Variants in CACNA2D4 observed in about 807,000 individuals in gnomAD.
CACNA2D4 encodes the protein calcium voltage-gated channel auxiliary subunit alpha2delta 4.
A neutral mutation model predicts 163.8 loss-of-function variants in CACNA2D4; 157 were observed. That is an observed-to-expected ratio of 0.96 (90% CI 0.84 to 1.09). CACNA2D4 has a LOEUF of 1.09. CACNA2D4 is among the 50% of genes least tolerant of loss of function. CACNA2D4 has a pLI of 0.00. For synonymous variants in CACNA2D4, 598 were observed against 586.9 expected, an observed-to-expected ratio of 1.02 and a Z score of -0.27; for missense variants, 1,410 against 1,479.9, an observed-to-expected ratio of 0.95 and a Z score of 0.78.
chr12:1,820,757 C>G lies in CACNA2D4; in HGVS notation c.2552-9034G>C, dbSNP rs955581128. 1 of 152,330 alleles carries G rather than the reference C, an allele frequency of 6.6e-6. No individual in the cohort carries two copies. Among genetic ancestry groups the G allele is most frequent in the Non-Finnish European group, 1.5e-5 (1 of 68,104 alleles). The allele number at this position is 152,330 out of a possible 1,614,324, so 9.4% of individuals were successfully genotyped here. A position where few individuals can be genotyped will look rare whatever the true frequency, so the allele number is the denominator to read the frequency against. The stretch of plus-strand genomic sequence containing the variant: ...ATTTCTATAGGAATCCCAGGAGGGT[C>G]TTACTGGAGGGTTGAGAGCCACCTG... On this transcript the variant is annotated intron_variant, in intron 26 of 37. Coordinates refer to ENST00000382722, the MANE Select transcript of CACNA2D4 (RefSeq NM_172364.5). This position sits in a 1 kb window ranked among gnomAD's most constrained non-coding sequence, Gnocchi z 6.0.
At chr12:1,894,359 G>A (rs1286116157) in intron 6 of CACNA2D4, among the ~76,000 whole-genome samples, 1 of 152,128 alleles carries the variant, frequency 6.6e-6, no homozygotes, top group Non-Finnish European at 1.5e-5. Flanking sequence ...TATTGGAGAG[G>A]ATGGAATTTT....
chr12:1,811,239 A>G (rs1051544918), intron 27 of CACNA2D4, among the ~76,000 whole-genome samples: 3 of 152,094 alleles, frequency 2.0e-5, no homozygotes, highest in Non-Finnish European at 4.4e-5. Flanking sequence ...GGCTCTGGGG[A>G]AGCAGAGGGG....
At chr12:1,866,948 G>A (rs760948384) in intron 18 of CACNA2D4, among the ~76,000 whole-genome samples, 2 of 152,008 alleles carry the variant, frequency 1.3e-5, no homozygotes, top group African/African-American at 2.4e-5. Flanking sequence ...TGTCCTTACC[G>A]AAGACATTAT....
intron 26 of CACNA2D4, among the ~76,000 whole-genome samples, chr12:1,813,488 G>T (rs1301661774): frequency 2.6e-5 from 4 of 152,198 alleles, no homozygotes; most frequent in Admixed American, 6.5e-5. Flanking sequence ...TCGGAGTGTG[G>T]CTAGCACGCC....
chr12:1,835,023 G>A (rs983704132), intron 26 of CACNA2D4: 10 of 372,040 alleles, frequency 2.7e-5, no homozygotes, highest in South Asian at 2.6e-4. Flanking sequence ...GGAGGCTTCC[G>A]GACTGGGCAT....
At position 1,834,045 on chromosome 12, in the gene CACNA2D4, G is replaced by A. The variant is rs932359080; in HGVS notation, c.2551+6694C>T. On this transcript the variant is annotated intron_variant, in intron 26 of 37. Coordinates refer to ENST00000382722, the MANE Select transcript of CACNA2D4 (RefSeq NM_172364.5). This position sits in a 1 kb window ranked among gnomAD's most constrained non-coding sequence, Gnocchi z 7.6. ...AATATCCATTTCACATGGCTTCTGC[G>A]AGGATGAAATGGCACGATATACGTA... 2.6e-5 allele frequency among the ~76,000 whole-genome samples: 4 copies of A among 152,210 alleles called. No homozygotes were observed. Among genetic ancestry groups the A allele is most frequent in the Admixed American group, 6.5e-5 (1 of 15,284 alleles).
rs895511185 is a variant in CACNA2D4 at position 1,869,539 on chromosome 12, G to A, written c.1878+5065C>T. Among the ~76,000 whole-genome samples, 6 of 152,156 alleles carry A rather than the reference G, an allele frequency of 3.9e-5. No homozygotes were observed. Among genetic ancestry groups the A allele is most frequent in the South Asian group, 2.1e-4 (1 of 4,832 alleles). On this transcript the variant is annotated intron_variant, in intron 18 of 37. Coordinates refer to ENST00000382722, the MANE Select transcript of CACNA2D4 (RefSeq NM_172364.5). The surrounding 1 kb of genome is among the most constrained non-coding windows in gnomAD (Gnocchi z 4.7). ...GATGTGGGTTTCAGTTTGTTTTCAC[G>A]GATTCCTGTTTTTCCTCTTGAGTTC...
At position 1,820,592 on chromosome 12, in the gene CACNA2D4, AC is replaced by A. The variant is rs1243632447; in HGVS notation, c.2552-8870del. The A allele has an allele frequency of 6.6e-6, 1 of 151,878 alleles. No homozygotes were observed. Among genetic ancestry groups the A allele is most frequent in the Non-Finnish European group, 1.5e-5 (1 of 68,088 alleles). The allele number at this position is 151,878 out of a possible 1,614,324, so 9.4% of individuals were successfully genotyped here. A position where few individuals can be genotyped will look rare whatever the true frequency, so the allele number is the denominator to read the frequency against. On this transcript the variant is annotated intron_variant, in intron 26 of 37. Transcript: ENST00000382722. This position sits in a 1 kb window ranked among gnomAD's most constrained non-coding sequence, Gnocchi z 6.0. Reference sequence around the variant, plus strand: ...CCCTCTCTTTCCTTCTCAGTTTGTGACTGACCCAGCAGCCCCGTCCCCCGTC... The same window carrying A: ...CCCTCTCTTTCCTTCTCAGTTTGTGATGACCCAGCAGCCCCGTCCCCCGTC...
chr12:1,867,907 C>T (rs915587459), intron 18 of CACNA2D4, among the ~76,000 whole-genome samples: 1 of 152,168 alleles, frequency 6.6e-6, no homozygotes, highest in African/African-American at 2.4e-5. Context: ...CAAACCCAAA[C>T]CACAATGAGA....
intron 26 of CACNA2D4, among the ~76,000 whole-genome samples, chr12:1,837,006 G>A (rs1362961839): frequency 1.3e-5 from 2 of 152,244 alleles, no homozygotes; most frequent in Non-Finnish European, 2.9e-5. Context: ...ATCCAGGATG[G>A]TACATCCACC....
intron 18 of CACNA2D4, among the ~76,000 whole-genome samples, chr12:1,862,118 C>T (rs1384167548): frequency 1.2e-4 from 18 of 152,330 alleles, no homozygotes; most frequent in African/African-American, 4.3e-4. Context: ...TGCTTCTACG[C>T]TCATCGATTG....
At chr12:1,896,388 AAAAAC>A (rs772059699) in intron 6 of CACNA2D4, among the ~76,000 whole-genome samples, 1 of 152,224 alleles carries the variant, frequency 6.6e-6, no homozygotes, top group Non-Finnish European at 1.5e-5. Flanking sequence ...ACTCAACAGT[AAAAAC>A]AAAACAAAAC....
chr12:1,800,617 C>G (rs1393475220), intron 31 of CACNA2D4, 179 bp from the exon 32 acceptor site: 1 of 634,554 alleles, frequency 1.6e-6, no homozygotes, highest in Non-Finnish European at 2.8e-6. Context: ...TCCCACCTGC[C>G]CTGCAGAGCT....
At position 1,834,670 on chromosome 12, in the gene CACNA2D4, G is replaced by A. The variant is rs1296228468; in HGVS notation, c.2551+6069C>T. On this transcript the variant is annotated intron_variant, in intron 26 of 37. Transcript: ENST00000382722. The surrounding 1 kb of genome is among the most constrained non-coding windows in gnomAD (Gnocchi z 7.6). ...TCAAAAAGCGCCAGCCCCTGATGGG[G>A]GACCCCGAGGGCGAGCACGAGGACC... is the stretch of plus-strand genomic sequence containing the variant. 3 of 1,601,618 alleles carry A rather than the reference G, an allele frequency of 1.9e-6. No homozygotes were observed. Among genetic ancestry groups the A allele is most frequent in the Non-Finnish European group, 1.7e-6 (2 of 1,179,544 alleles).
At chr12:1,850,881 CAAA>C (rs3078857) in intron 23 of CACNA2D4, among the ~76,000 whole-genome samples, 21,906 of 130,814 alleles carry the variant, frequency 0.17, 1,980 homozygotes, top group East Asian at 0.38. Flanking sequence ...GACTCCGTCT[CAAA>C]AAAAAAAAAA....
intron 2 of CACNA2D4, 115 bp from the exon 3 acceptor site, chr12:1,913,254 G>T: frequency 1.4e-6 from 1 of 736,532 alleles, no homozygotes; most frequent in Non-Finnish European, 2.4e-6. Context: ...ATGGAGCCTG[G>T]TTTACTCAAC....
At chr12:1,794,755 CT>C (rs1863063341) in intron 37 of CACNA2D4, among the ~76,000 whole-genome samples, 1 of 152,224 alleles carries the variant, frequency 6.6e-6, no homozygotes, top group East Asian at 1.9e-4. Context: ...AACACAGTGG[CT>C]CGGGGATTTT....
At position 1,833,990 on chromosome 12, in the gene CACNA2D4, C is replaced by T. The variant is rs1413690982; in HGVS notation, c.2551+6749G>A. Among the ~76,000 whole-genome samples, 11 of 152,250 alleles carry T rather than the reference C, an allele frequency of 7.2e-5. No homozygotes were observed. In the East Asian group the frequency reaches 1.9e-3, roughly 27 times the overall value. ...AGGACAGGCCGGATGGAAGTGGCTG[C>T]GTGCTTCTCTATAAAATGGGAATAA... On this transcript the variant is annotated intron_variant, in intron 26 of 37. Transcript: ENST00000382722. The surrounding 1 kb of genome is among the most constrained non-coding windows in gnomAD (Gnocchi z 4.2).
At position 1,834,553 on chromosome 12, in the gene CACNA2D4, G is replaced by C; in HGVS notation, c.2551+6186C>G. 3.1e-6 allele frequency: 5 copies of C among 1,603,154 alleles called. No homozygotes were observed. The highest frequency in any genetic ancestry group is 4.2e-6 in the Non-Finnish European group (5 of 1,179,918). ...CCATGGGCACGGTGATCATTGCAGG[G>C]GTCGTGTGCGGCGTCGTCTGCATCA... On this transcript the variant is annotated intron_variant, in intron 26 of 37. Coordinates refer to ENST00000382722, the MANE Select transcript of CACNA2D4 (RefSeq NM_172364.5). This position sits in a 1 kb window ranked among gnomAD's most constrained non-coding sequence, Gnocchi z 7.6.
Sources: allele counts gnomAD v4.1 joint callset (sites outside exome capture counted in the v4.1 genomes callset), GRCh38; gene constraint gnomAD v4.1.1; non-coding constraint Gnocchi (gnomAD v3.1); transcripts MANE v1.5; gene names NCBI Gene and HGNC (gene_info 2026-07-23, HGNC 2026-07-21).